MYO3A: variants seen among roughly 807,000 people sequenced by gnomAD.
The protein encoded by MYO3A is myosin-IIIa.
MYO3A carries 180 observed loss-of-function variants against 192.7 expected under a neutral mutation model. The observed-to-expected ratio is 0.93, with a 90% CI of 0.83 to 1.06. The LOEUF (loss-of-function observed/expected upper bound fraction) is 1.06. Among genes scored for constraint, MYO3A ranks in the 50% least tolerant of loss-of-function variants. The pLI is 0.00. For missense variants in MYO3A, 1,896 were observed against 1,905.0 expected (o/e 1.00, Z 0.09); for synonymous variants, 628 against 645.3 (o/e 0.97, Z 0.41).
intron 18 of MYO3A, 57 bp downstream of exon 18, chr10:26,120,859 A>G (rs888659714): frequency 2.1e-5 from 33 of 1,591,954 alleles, no homozygotes; most frequent in African/African-American, 2.7e-5. Context: ...ATGACATACC[A>G]TAAGTATCAC....
chr10:26,145,656 C>A, intron 22 of MYO3A, 122 bp downstream of exon 22: 1 of 828,672 alleles, frequency 1.2e-6, no homozygotes, highest in Non-Finnish European at 2.0e-6. Flanking sequence ...CTGTCTGTTT[C>A]CGCCCCCACT....
intron 22 of MYO3A, among the ~76,000 whole-genome samples, chr10:26,146,435 T>C (rs1840469242): frequency 6.6e-6 from 1 of 152,176 alleles, no homozygotes. Flanking sequence ...CAGAAATTTA[T>C]TTTTTTGACA....
At chr10:26,062,530 A>AAACAAAAAAAAAAAACG (rs1554816583) in intron 10 of MYO3A, among the ~76,000 whole-genome samples, 2 of 125,946 alleles carry the variant, frequency 1.6e-5, no homozygotes, top group Non-Finnish European at 3.4e-5. Context: ...AAAAAAAAAA[A>AAACAAAAAAAAAAAACG]AAATTATGGA....
chr10:26,171,948 C>T (rs1054559887), intron 29 of MYO3A, among the ~76,000 whole-genome samples: 3 of 152,138 alleles, frequency 2.0e-5, no homozygotes, highest in African/African-American at 4.8e-5. Flanking sequence ...GTAGCAGATA[C>T]TTATTAAGAA....
chr10:26,128,127 T>C (rs546050865), intron 19 of MYO3A, among the ~76,000 whole-genome samples: 1 of 152,300 alleles, frequency 6.6e-6, no homozygotes, highest in African/African-American at 2.4e-5. Flanking sequence ...GAAGAAAAAG[T>C]TTCTTTTGTT....
At chr10:26,167,296 A>G (rs1412963783) in intron 27 of MYO3A, among the ~76,000 whole-genome samples, 1 of 148,512 alleles carries the variant, frequency 6.7e-6, no homozygotes, top group Non-Finnish European at 1.5e-5. Flanking sequence ...AATTTAAGAG[A>G]TTTAAAAAAA....
intron 6 of MYO3A, among the ~76,000 whole-genome samples, chr10:26,011,200 G>C (rs879437651): frequency 1.3e-5 from 2 of 152,106 alleles, no homozygotes; most frequent in Non-Finnish European, 2.9e-5. Flanking sequence ...AGGCAGATGT[G>C]TGTGAATCGC....
At chr10:26,127,268 T>C (rs1014218524) in intron 19 of MYO3A, among the ~76,000 whole-genome samples, 1 of 152,168 alleles carries the variant, frequency 6.6e-6, no homozygotes, top group Non-Finnish European at 1.5e-5. Context: ...ATCTCTGAAC[T>C]AGATTATTTG....
chr10:26,208,919 A>C (rs1303558259), intron 34 of MYO3A, among the ~76,000 whole-genome samples: 1 of 152,176 alleles, frequency 6.6e-6, no homozygotes, highest in East Asian at 1.9e-4. Flanking sequence ...AATGCTGAGT[A>C]AAATCAAAAC....
intron 11 of MYO3A, among the ~76,000 whole-genome samples, 174 bp from the exon 12 acceptor site, chr10:26,068,594 T>A (rs1337762883): frequency 2.6e-5 from 4 of 152,190 alleles, no homozygotes; most frequent in Admixed American, 2.0e-4. Context: ...AAAATGGCTG[T>A]CAAGTGAATG....
At position 26,160,805 on chromosome 10, in the gene MYO3A, A is replaced by T. The variant is rs79974665; in HGVS notation, c.2999+3290A>T. 2.9e-4 allele frequency among the ~76,000 whole-genome samples: 44 copies of T among 152,286 alleles called. No homozygotes were observed. In the East Asian group the frequency reaches 8.1e-3, roughly 28 times the overall value. On this transcript the variant is annotated intron_variant, in intron 26 of 34. Transcript: ENST00000642920. ...ATTGGGTTGGTAGAGTGGGCATTGC[A>T]TTGGTGAAGTGACAGAAGATAATAT... is the stretch of plus-strand genomic sequence containing the variant.
intron 6 of MYO3A, among the ~76,000 whole-genome samples, chr10:25,999,100 A>G (rs938286982): frequency 1.3e-5 from 2 of 152,036 alleles, no homozygotes; most frequent in Admixed American, 6.6e-5. Context: ...GGGTTTCACC[A>G]TATTAGCCAG....
chr10:26,080,267 A>T (rs1835835730), intron 14 of MYO3A, among the ~76,000 whole-genome samples: 1 of 151,992 alleles, frequency 6.6e-6, no homozygotes, highest in East Asian at 1.9e-4. Context: ...TAATTTGAAG[A>T]CCTTGTCTTC....
At chr10:26,038,723 T>G (rs540982184) in intron 10 of MYO3A, among the ~76,000 whole-genome samples, 1 of 152,330 alleles carries the variant, frequency 6.6e-6, no homozygotes, top group South Asian at 2.1e-4. Context: ...TCACTACTTA[T>G]GTTGAATAAC....
intron 17 of MYO3A, among the ~76,000 whole-genome samples, chr10:26,098,351 A>G (rs1322459128): frequency 1.3e-5 from 2 of 152,172 alleles, no homozygotes; most frequent in African/African-American, 4.8e-5. Flanking sequence ...ATTTTCTCCC[A>G]TTCTGTAGGT....
chr10:25,964,438 C>T (rs1469562495), intron 4 of MYO3A, among the ~76,000 whole-genome samples: 1 of 152,112 alleles, frequency 6.6e-6, no homozygotes, highest in Non-Finnish European at 1.5e-5. Flanking sequence ...ACATATCACA[C>T]TTTGCATATA....
intron 31 of MYO3A, among the ~76,000 whole-genome samples, chr10:26,183,907 G>A (rs982844480): frequency 2.0e-5 from 3 of 152,124 alleles, no homozygotes; most frequent in Admixed American, 6.5e-5. Context: ...CAGAGTAGAC[G>A]CAAGAGGTCA....
chr10:26,145,646 C>T lies in MYO3A; in HGVS notation c.2505+112C>T, dbSNP rs913322787. 6 of 885,280 alleles carry T rather than the reference C, an allele frequency of 6.8e-6. No homozygotes were observed. The Admixed American group carries it at 8.0e-5, about 12-fold the overall frequency. The allele number at this position is 885,280 out of a possible 1,614,324, so 54.8% of individuals were successfully genotyped here. On this transcript the variant is annotated intron_variant, in intron 22 of 34. Transcript: ENST00000642920. The stretch of plus-strand genomic sequence containing the variant: ...TTTATAGATAATGATAATGTCATAG[C>T]TGTCTGTTTCCGCCCCCACTGGCCC...
At chr10:25,936,597 T>C (rs1836081920) in intron 2 of MYO3A, among the ~76,000 whole-genome samples, 1 of 152,192 alleles carries the variant, frequency 6.6e-6, no homozygotes, top group Non-Finnish European at 1.5e-5. Context: ...AGATTTCTGA[T>C]AAGCTTTCAA....
Sources: allele counts gnomAD v4.1 joint callset (sites outside exome capture counted in the v4.1 genomes callset), GRCh38; gene constraint gnomAD v4.1.1; transcripts MANE v1.5; gene names NCBI Gene and HGNC (gene_info 2026-07-23, HGNC 2026-07-21).